Variants in TRPC7 observed in about 807,000 individuals in gnomAD.
TRPC7 encodes the protein transient receptor potential cation channel subfamily C member 7, also known as short transient receptor potential channel 7.
In TRPC7, 42 loss-of-function variants were observed where a neutral mutation model predicts 90.1. That is an observed-to-expected ratio of 0.47 (90% CI 0.36 to 0.60). The LOEUF is 0.60. Among genes scored for constraint, TRPC7 ranks in the 20% least tolerant of loss-of-function variants. The probability of loss-of-function intolerance (pLI) is 0.00; values close to 1 mark genes in which losing one functional copy is unlikely to be tolerated. For synonymous variants in TRPC7, 451 were observed against 436.3 expected (o/e 1.03, Z -0.42); for missense variants, 955 against 1,112.3 (o/e 0.86, Z 2.01).
At chr5:136,307,917 T>C (rs547928457) in intron 3 of TRPC7, among the ~76,000 whole-genome samples, 2 of 152,360 alleles carry the variant, frequency 1.3e-5, no homozygotes, top group Non-Finnish European at 2.9e-5. Flanking sequence ...AAACATTAAC[T>C]ATTATTTATT....
Position 136,357,131 on chromosome 5 carries a change from A to G in TRPC7, c.257T>C (p.Val86Ala). Residue 86 changes from valine to alanine, a missense_variant, in exon 2 of 12, where the codon GTG becomes GCG. Physicochemically the swap from Val to Ala is moderately conservative, Grantham distance 64. Coordinates refer to ENST00000513104, the MANE Select transcript of TRPC7 (RefSeq NM_020389.3). ...YMGQNALQLA[V>A]GNEHLEVTEL... is the part of the protein sequence containing the mutation. ...CGTGACCTCTAGGTGCTCGTTGCCC[A>G]CGGCCAGCTGCAGAGCGTTCTGCCC... 1 of 1,614,074 alleles carries G rather than the reference A, an allele frequency of 6.2e-7. No individual in the cohort carries two copies. The highest frequency in any genetic ancestry group is 8.5e-7 in the Non-Finnish European group (1 of 1,180,018).
At chr5:136,237,284 C>G (rs1756012991) in intron 7 of TRPC7, among the ~76,000 whole-genome samples, 1 of 152,108 alleles carries the variant, frequency 6.6e-6, no homozygotes, top group Non-Finnish European at 1.5e-5. Context: ...GAACTGATGC[C>G]AAGAACTGGG....
At chr5:136,272,552 C>A (rs1757240293) in intron 4 of TRPC7, among the ~76,000 whole-genome samples, 1 of 152,156 alleles carries the variant, frequency 6.6e-6, no homozygotes, top group Non-Finnish European at 1.5e-5. Flanking sequence ...TCATCTCATG[C>A]CACAGACTGA....
intron 3 of TRPC7, among the ~76,000 whole-genome samples, chr5:136,300,842 G>A (rs1003194973): frequency 6.6e-6 from 1 of 152,198 alleles, no homozygotes; most frequent in Non-Finnish European, 1.5e-5. Flanking sequence ...CACTCCATAT[G>A]GAGGCTGCAC....
intron 2 of TRPC7, among the ~76,000 whole-genome samples, chr5:136,335,392 AC>A (rs34013757): frequency 6.6e-6 from 1 of 151,904 alleles, no homozygotes; most frequent in Non-Finnish European, 1.5e-5. Context: ...GGAGCTGGAA[AC>A]CCTATGTTCA....
chr5:136,271,929 A>C (rs997426903), intron 4 of TRPC7, among the ~76,000 whole-genome samples: 3 of 152,228 alleles, frequency 2.0e-5, no homozygotes, highest in African/African-American at 7.2e-5. Context: ...ATAGGAAAGA[A>C]ATGATGCAGT....
intron 3 of TRPC7, among the ~76,000 whole-genome samples, chr5:136,286,860 C>T (rs922626029): frequency 6.6e-6 from 1 of 152,204 alleles, no homozygotes; most frequent in Non-Finnish European, 1.5e-5. Flanking sequence ...CCTCTCCCTT[C>T]TCAGAGGTAG....
intron 3 of TRPC7, among the ~76,000 whole-genome samples, chr5:136,308,174 T>A (rs1261915336): frequency 1.3e-5 from 2 of 152,214 alleles, no homozygotes; most frequent in Non-Finnish European, 2.9e-5. Context: ...TTCTTTCTCT[T>A]CGGAAGATTT....
intron 4 of TRPC7, among the ~76,000 whole-genome samples, chr5:136,272,691 A>G (rs955865933): frequency 3.3e-5 from 5 of 152,020 alleles, no homozygotes; most frequent in African/African-American, 1.2e-4. Context: ...GTCTTAATGG[A>G]ACTTCTGGGG....
At chr5:136,313,696 T>A (rs1404816994) in intron 3 of TRPC7, among the ~76,000 whole-genome samples, 1 of 152,168 alleles carries the variant, frequency 6.6e-6, no homozygotes, top group African/African-American at 2.4e-5. Context: ...GTCTTAGAAA[T>A]GAGCAGGTTG....
At chr5:136,220,513 G>A (rs1438895498) in intron 10 of TRPC7, among the ~76,000 whole-genome samples, 1 of 152,170 alleles carries the variant, frequency 6.6e-6, no homozygotes, top group East Asian at 1.9e-4. Context: ...TTAGGGTGGA[G>A]AAGAAACCCC....
intron 2 of TRPC7, among the ~76,000 whole-genome samples, chr5:136,319,360 CT>C (rs1759121012): frequency 6.6e-6 from 1 of 152,112 alleles, no homozygotes; most frequent in Non-Finnish European, 1.5e-5. Context: ...TATCAACCTC[CT>C]TTGGCTACTC....
At chr5:136,361,797 A>G (rs995304574) in intron 1 of TRPC7, among the ~76,000 whole-genome samples, 3 of 152,168 alleles carry the variant, frequency 2.0e-5, no homozygotes, top group African/African-American at 7.2e-5. Context: ...ATCTTCTCCC[A>G]AGAGTACATA....
At chr5:136,328,723 T>C (rs1218896274) in intron 2 of TRPC7, among the ~76,000 whole-genome samples, 1 of 152,260 alleles carries the variant, frequency 6.6e-6, no homozygotes, top group Non-Finnish European at 1.5e-5. Flanking sequence ...GTGGCAAGTA[T>C]TGACCAATAT....
rs375459629 is a variant in TRPC7 at position 136,323,072 on chromosome 5, G to T, written c.781-7293C>A. ...CTTGTGTTGTGGGAGGAACCCAGTG[G>T]GAGATAATTGAATCATGGGGCGGTT... is the stretch of plus-strand genomic sequence containing the variant. On this transcript the variant is annotated intron_variant, in intron 2 of 11. Coordinates refer to ENST00000513104, the MANE Select transcript of TRPC7 (RefSeq NM_020389.3). Among the ~76,000 whole-genome samples the T allele has an allele frequency of 1.7e-4, 26 of 152,300 alleles. No homozygotes were observed. The East Asian group carries it at 4.8e-3, about 28-fold the overall frequency.
intron 10 of TRPC7, among the ~76,000 whole-genome samples, chr5:136,221,765 C>T (rs1343045066): frequency 6.6e-6 from 1 of 152,200 alleles, no homozygotes; most frequent in Non-Finnish European, 1.5e-5. Context: ...GCTTTGATCT[C>T]TTCGGTAAAG....
intron 10 of TRPC7, among the ~76,000 whole-genome samples, chr5:136,218,865 G>A (rs1473592508): frequency 6.6e-6 from 1 of 152,210 alleles, no homozygotes; most frequent in Non-Finnish European, 1.5e-5. Context: ...AAGAAACTCA[G>A]TGAGATGGGA....
chr5:136,254,920 G>A (rs193203544), intron 5 of TRPC7, among the ~76,000 whole-genome samples: 2 of 152,252 alleles, frequency 1.3e-5, no homozygotes, highest in East Asian at 1.9e-4. Flanking sequence ...AAACCTTCAC[G>A]GATAACTTTG....
intron 3 of TRPC7, among the ~76,000 whole-genome samples, chr5:136,296,916 C>G (rs566014418): frequency 6.6e-6 from 1 of 152,334 alleles, no homozygotes; most frequent in South Asian, 2.1e-4. Context: ...GCCTCCCCAG[C>G]CAGGAGTCCT....
Sources: gnomAD v4.1 joint callset for allele counts (sites outside exome capture counted in the v4.1 genomes callset) on GRCh38, gnomAD v4.1.1 for gene constraint, MANE v1.5 for transcripts, NCBI Gene and HGNC (gene_info 2026-07-23, HGNC 2026-07-21) for gene names.